CLCN7: variants seen among roughly 807,000 people sequenced by gnomAD.
CLCN7 encodes the protein Cl-/H+ antiporter 7.
In CLCN7, 60 loss-of-function variants were observed where a neutral mutation model predicts 102.1. The ratio of observed to expected loss-of-function variants is 0.59; its 90% CI spans 0.48 to 0.73. The LOEUF is 0.73. Among genes scored for constraint, CLCN7 ranks in the 30% least tolerant of loss-of-function variants. The pLI is 0.00. For synonymous variants in CLCN7, 560 were observed against 490.5 expected, an observed-to-expected ratio of 1.14 and a Z score of -1.87; for missense variants, 962 against 1,125.7, an observed-to-expected ratio of 0.85 and a Z score of 2.08.
rs906636585 is a variant in CLCN7, at chr16:1,450,488, C to T, written c.1617+9G>A. On this transcript the variant is annotated intron_variant, in intron 17 of 24. Coordinates refer to ENST00000382745, the MANE Select transcript of CLCN7 (RefSeq NM_001287.6). ...AGGGCCCCACAGCCTCCCCTCCGGC[C>T]CCACTCACCGCCGCCCCCGTGAGGT... 8 of 1,592,288 alleles carry T rather than the reference C, an allele frequency of 5.0e-6. No individual in the cohort carries two copies. Among genetic ancestry groups the T allele is most frequent in the South Asian group, 4.5e-5 (4 of 88,194 alleles).
intron 21 of CLCN7, among the ~76,000 whole-genome samples, chr16:1,447,938 A>G (rs568772174): frequency 6.6e-6 from 1 of 152,236 alleles, no homozygotes; most frequent in African/African-American, 2.4e-5. Flanking sequence ...CTGACCGCGC[A>G]CAGCAGAGAG....
chr16:1,453,808 C>T (rs780800201), intron 14 of CLCN7, 26 bp downstream of exon 14: 42 of 1,611,856 alleles, frequency 2.6e-5, no homozygotes, highest in Middle Eastern at 1.7e-4. Context: ...CCTGCCAACG[C>T]GATATGCAAT....
chr16:1,455,038 G>A (rs954773636), intron 12 of CLCN7, 96 bp downstream of exon 12: 4 of 817,142 alleles, frequency 4.9e-6, no homozygotes, highest in Non-Finnish European at 8.7e-6. Context: ...ATCAACCAGA[G>A]TTTTCTAAAG....
rs148827105 is a variant in CLCN7 at position 1,449,442 on chromosome 16, C to T, written c.1618-115G>A. 538 of 918,528 alleles carry T rather than the reference C, an allele frequency of 5.9e-4. No homozygotes were observed. In the African/African-American group the frequency reaches 7.7e-3, roughly 13 times the overall value. 56.9% of individuals were successfully genotyped at this position (918,528 alleles called of 1,614,324 possible). A position where few individuals can be genotyped will look rare whatever the true frequency, so the allele number is the denominator to read the frequency against. ...AGCAGCCCCACAGCCAGGAACAAACCTCGTGGCCGCGTACATACACACAGA... is the reference window on the plus strand; with the variant it reads ...AGCAGCCCCACAGCCAGGAACAAACTTCGTGGCCGCGTACATACACACAGA... On this transcript the variant is annotated intron_variant, in intron 17 of 24. Transcript: ENST00000382745.
intron 5 of CLCN7, 90 bp downstream of exon 5, chr16:1,460,726 T>G (rs1266268262): frequency 3.1e-6 from 5 of 1,598,744 alleles, no homozygotes; most frequent in Non-Finnish European, 4.3e-6. Flanking sequence ...CCACCTGCAC[T>G]GGAACACGCT....
intron 17 of CLCN7, chr16:1,449,705 C>CTGACTCCACGT: frequency 9.5e-6 from 3 of 315,078 alleles, no homozygotes; most frequent in Non-Finnish European, 1.2e-5. Context: ...ATGGAGGCTG[C>CTGACTCCACGT]AGAAAGCGGG....
rs76247952 is a variant in CLCN7, at chr16:1,468,699, G to A, written c.142-3361C>T. 4.7e-3 allele frequency among the ~76,000 whole-genome samples: 712 copies of A among 152,116 alleles called. 9 individuals carry two copies. The highest frequency in any genetic ancestry group is 0.016 in the African/African-American group (662 of 41,498). On this transcript the variant is annotated intron_variant, in intron 1 of 24. Transcript: ENST00000382745. ...AGGTCATCAGGGTTGGGAGTGGGTG[G>A]GACTAGAAAGATGGGTCTGAAAATA...
At chr16:1,449,250 C>T in intron 18 of CLCN7, 26 bp downstream of exon 18, 1 of 1,576,340 alleles carries the variant, frequency 6.3e-7, no homozygotes, top group African/African-American at 1.3e-5. Flanking sequence ...GAGCTCCCCA[C>T]CCATCGGGCA....
intron 14 of CLCN7, 47 bp downstream of exon 14, chr16:1,453,787 G>C: frequency 6.3e-7 from 1 of 1,579,082 alleles, no homozygotes; most frequent in Non-Finnish European, 8.7e-7. Context: ...CAAAGGGCCT[G>C]TGTGGCCACG....
chr16:1,450,694 CT>C (rs763236758), intron 16 of CLCN7, 28 bp from the exon 17 acceptor site: 12 of 1,360,158 alleles, frequency 8.8e-6, no homozygotes, highest in Non-Finnish European at 1.1e-5. Flanking sequence ...CTGACGGGGC[CT>C]CCACGACTCC....
At chr16:1,465,801 C>G (rs562043854) in intron 1 of CLCN7, among the ~76,000 whole-genome samples, 2 of 152,358 alleles carry the variant, frequency 1.3e-5, no homozygotes, top group East Asian at 3.9e-4. Context: ...CCACAGTGTT[C>G]ACGCTGCCCT....
intron 1 of CLCN7, among the ~76,000 whole-genome samples, chr16:1,473,326 T>G (rs901681412): frequency 4.0e-5 from 6 of 151,490 alleles, no homozygotes; most frequent in African/African-American, 1.5e-4. Flanking sequence ...AAAACCTAAA[T>G]GTAGGTTCTA....
At position 1,446,122 on chromosome 16, in the gene CLCN7, C is replaced by T. The variant is rs1232429826; in HGVS notation, c.*509G>A. ...AAACCCTGGTGCTACGAGTCCGTGC[C>T]TCAGGCCCAGGGACCACAGGCCGTC... On this transcript the variant is annotated 3_prime_UTR_variant, in exon 25 of 25. Coordinates refer to ENST00000382745, the MANE Select transcript of CLCN7 (RefSeq NM_001287.6). 6.7e-6 allele frequency: 4 copies of T among 598,754 alleles called. No homozygotes were observed. The highest frequency in any genetic ancestry group is 1.2e-5 in the Non-Finnish European group (4 of 337,044). The allele number at this position is 598,754 out of a possible 1,614,324, so 37.1% of individuals were successfully genotyped here.
At chr16:1,474,690 A>C in intron 1 of CLCN7, 144 bp downstream of exon 1, 1 of 682,084 alleles carries the variant, frequency 1.5e-6, no homozygotes, top group Non-Finnish European at 2.0e-6. Context: ...CCCGCCGAGG[A>C]GCCCCGGGGC....
chr16:1,465,360 T>C (rs1201586583), intron 1 of CLCN7, 22 bp from the exon 2 acceptor site: 2 of 1,608,056 alleles, frequency 1.2e-6, no homozygotes, highest in African/African-American at 1.3e-5. Context: ...AGAGAAATCA[T>C]GAGGGCGCTC....
intron 19 of CLCN7, 77 bp from the exon 20 acceptor site, chr16:1,448,843 C>T: frequency 6.3e-7 from 1 of 1,595,714 alleles, no homozygotes; most frequent in Non-Finnish European, 8.5e-7. Context: ...CCTGGGAGCC[C>T]AGAGGCCGCC....
chr16:1,474,741 G>A (rs763640916), intron 1 of CLCN7, 93 bp downstream of exon 1: 26 of 1,108,014 alleles, frequency 2.3e-5, no homozygotes, highest in Non-Finnish European at 2.9e-5. Context: ...CTCCAGGACC[G>A]AGACACGCGG....
At chr16:1,453,018 TG>T in intron 14 of CLCN7, 125 bp from the exon 15 acceptor site, 3 of 1,401,632 alleles carry the variant, frequency 2.1e-6, no homozygotes, top group South Asian at 1.2e-5. Context: ...TGTTTGTTTT[TG>T]TTTTTGAGAC....
At chr16:1,459,066 C>T (rs200102460) in intron 7 of CLCN7, 41 bp downstream of exon 7, 32 of 1,529,682 alleles carry the variant, frequency 2.1e-5, no homozygotes, top group Admixed American at 1.6e-4. Context: ...CAGCAAAGAG[C>T]GGGCGCCCAC....
Sources: allele counts gnomAD v4.1 joint callset (sites outside exome capture counted in the v4.1 genomes callset), GRCh38; gene constraint gnomAD v4.1.1; transcripts MANE v1.5; gene names NCBI Gene and HGNC (gene_info 2026-07-23, HGNC 2026-07-21).